The following THTPA variants were observed in gnomAD, a reference collection of about 807,000 sequenced individuals.
The protein encoded by THTPA is thiamine-triphosphatase.
THTPA carries 16 observed loss-of-function variants against 16.5 expected under a neutral mutation model. The ratio of observed to expected loss-of-function variants is 0.97; its 90% CI spans 0.66 to 1.47. The LOEUF (loss-of-function observed/expected upper bound fraction) is 1.47. Among genes scored for constraint, THTPA ranks in the 40% most tolerant of loss-of-function variants. The pLI is 0.00. For synonymous variants in THTPA, 110 were observed against 115.5 expected (o/e 0.95, Z 0.30); for missense variants, 281 against 280.9 (o/e 1.00, Z 0.00).
chr14:23,557,392 C>T, intron 1 of THTPA, 88 bp downstream of exon 1: 1 of 1,385,666 alleles, frequency 7.2e-7, no homozygotes, highest in Non-Finnish European at 9.4e-7. Flanking sequence ...GGGGGAGGGC[C>T]TCCGGATTAA....
the THTPA span, chr14:23,525,632 C>T: frequency 1.6e-5 from 25 of 1,535,670 alleles, no homozygotes; most frequent in African/African-American, 6.9e-5. This position sits in a 1 kb window ranked among gnomAD's most constrained non-coding sequence, Gnocchi z 5.9. Context: ...GGCTGCAGTG[C>T]GGGCAGCCTC....
At chr14:23,526,561 T>A in the THTPA span, 1 of 1,535,646 alleles carries the variant, frequency 6.5e-7, no homozygotes, top group Non-Finnish European at 8.7e-7. Context: ...GGACTGGAGA[T>A]GGGGCTGGAG....
At position 23,557,120 on chromosome 14, in the gene THTPA, T is replaced by C. The variant is rs201316975; in HGVS notation, c.363T>C (p.Phe121=). ...GPLGLQEVAS[F]VTKRSAWKLV... ...TGGGGCTGCAGGAAGTAGCTAGTTT[T>C]GTGACTAAGCGGAGTGCCTGGAAGC... The change falls in exon 1 of 2, where the codon TTT becomes TTC. Residue 121 remains phenylalanine, a synonymous_variant. Transcript: ENST00000288014. The C allele has an allele frequency of 6.2e-7, 1 of 1,614,202 alleles. No individual in the cohort carries two copies. The highest frequency in any genetic ancestry group is 8.5e-7 in the Non-Finnish European group (1 of 1,180,036).
chr14:23,549,508 G>A, the THTPA span, among the ~76,000 whole-genome samples: 3 of 151,990 alleles, frequency 2.0e-5, no homozygotes, highest in African/African-American at 7.3e-5. Context: ...CCTTACATAC[G>A]ATAGCTTTTA....
At chr14:23,534,642 G>C in the THTPA span, 19 of 1,536,186 alleles carry the variant, frequency 1.2e-5, no homozygotes, top group Non-Finnish European at 1.6e-5. The surrounding 1 kb of genome is among the most constrained non-coding windows in gnomAD (Gnocchi z 4.5). Flanking sequence ...GGTTGCCCCC[G>C]CTGTTCCCCA....
At chr14:23,526,627 G>A in the THTPA span, 20 of 1,535,822 alleles carry the variant, frequency 1.3e-5, no homozygotes, top group Non-Finnish European at 1.7e-5. Context: ...CTGAGGCCAG[G>A]GGAGGCTCAG....
the THTPA span, chr14:23,530,138 T>C: frequency 1.3e-6 from 2 of 1,536,084 alleles, no homozygotes; most frequent in Middle Eastern, 1.7e-4. Context: ...TCTGTCTTGT[T>C]CTGGGCATCT....
upstream of THTPA, among the ~76,000 whole-genome samples, chr14:23,552,968 A>T (rs1480315234): frequency 6.6e-6 from 1 of 152,210 alleles, no homozygotes; most frequent in Non-Finnish European, 1.5e-5. Flanking sequence ...AAGCACTTTT[A>T]CATACATTGT....
chr14:23,558,841 G>T lies in THTPA; in HGVS notation c.*1G>T, dbSNP rs762584359. 33 of 1,613,846 alleles carry T rather than the reference G, an allele frequency of 2.0e-5. No homozygotes were observed. The highest frequency in any genetic ancestry group is 2.8e-5 in the Non-Finnish European group (33 of 1,179,904). ...AGATCCTGACCACTGCCTGGGCTAG[G>T]GGTGTCACTTCCTAGAAGGGGAAGG... On this transcript the variant is annotated 3_prime_UTR_variant, in exon 2 of 2. Coordinates refer to ENST00000288014, the MANE Select transcript of THTPA (RefSeq NM_024328.6).
At chr14:23,526,544 G>A in the THTPA span, 1 of 1,535,934 alleles carries the variant, frequency 6.5e-7, no homozygotes, top group Non-Finnish European at 8.7e-7. Flanking sequence ...TTGGGCATCA[G>A]GTTCAGGGAC....
At chr14:23,540,822 C>T in the THTPA span, among the ~76,000 whole-genome samples, 19 of 152,228 alleles carry the variant, frequency 1.2e-4, no homozygotes, top group African/African-American at 4.6e-4. Flanking sequence ...TTTTCCTTCT[C>T]TCTTTCCTGT....
At chr14:23,516,393 G>T in the THTPA span, among the ~76,000 whole-genome samples, 1 of 152,172 alleles carries the variant, frequency 6.6e-6, no homozygotes, top group Non-Finnish European at 1.5e-5. Flanking sequence ...TATGCGTTTT[G>T]GGTGGGAGCA....
upstream of THTPA, chr14:23,555,693 C>T (rs1043352871): frequency 6.6e-6 from 1 of 151,106 alleles, no homozygotes; most frequent in African/African-American, 2.4e-5. Context: ...TCCCCCCACC[C>T]CAACCCCCCT....
chr14:23,559,871 A>G lies in THTPA; in HGVS notation c.*1031A>G. ...GGGGCCTAGGAATAGGAGAGCAGGG[A>G]CCAGGGTTAGCACCCACGGCTTCTT... On this transcript the variant is annotated 3_prime_UTR_variant, in exon 2 of 2. Transcript: ENST00000288014. 1 of 1,613,570 alleles carries G rather than the reference A, an allele frequency of 6.2e-7. No homozygotes were observed. Among genetic ancestry groups the G allele is most frequent in the Non-Finnish European group, 8.5e-7 (1 of 1,179,660 alleles).
At chr14:23,512,504 C>T in the THTPA span, among the ~76,000 whole-genome samples, 1 of 151,566 alleles carries the variant, frequency 6.6e-6, no homozygotes. Flanking sequence ...CAGAGAGAAG[C>T]GAGCTCTCCC....
chr14:23,547,270 G>A, the THTPA span, among the ~76,000 whole-genome samples: 3 of 152,330 alleles, frequency 2.0e-5, no homozygotes, highest in Non-Finnish European at 4.4e-5. Context: ...TGCTGCCTTC[G>A]TTGTATTAAT....
chr14:23,527,420 C>T, the THTPA span, among the ~76,000 whole-genome samples: 1 of 152,102 alleles, frequency 6.6e-6, no homozygotes, highest in Non-Finnish European at 1.5e-5. Context: ...CTGCCTCTTC[C>T]TCCCCTCCTG....
the THTPA span, among the ~76,000 whole-genome samples, chr14:23,520,495 A>T: frequency 6.6e-6 from 1 of 151,732 alleles, no homozygotes; most frequent in Non-Finnish European, 1.5e-5. The surrounding 1 kb of genome is among the most constrained non-coding windows in gnomAD (Gnocchi z 8.7). Flanking sequence ...TAAATACCCC[A>T]CTCACCCCCT....
At chr14:23,534,180 A>G in the THTPA span, 1 of 1,476,282 alleles carries the variant, frequency 6.8e-7, no homozygotes, top group East Asian at 2.5e-5. This position sits in a 1 kb window ranked among gnomAD's most constrained non-coding sequence, Gnocchi z 4.5. Flanking sequence ...AGAGCCCTCC[A>G]TCCTCTTCTT....
Sources: gnomAD v4.1 joint callset for allele counts (sites outside exome capture counted in the v4.1 genomes callset) on GRCh38, gnomAD v4.1.1 for gene constraint, Gnocchi (gnomAD v3.1) non-coding constraint, MANE v1.5 for transcripts, NCBI Gene and HGNC (gene_info 2026-07-23, HGNC 2026-07-21) for gene names.